Variants in GOLM2 observed in about 807,000 individuals in gnomAD.
The protein encoded by GOLM2 is golgi membrane protein 2.
Under a neutral mutation model 55.9 loss-of-function variants are expected in GOLM2, and 26 were observed. That is an observed-to-expected ratio of 0.47 (90% confidence interval 0.34 to 0.65). The LOEUF (loss-of-function observed/expected upper bound fraction) is 0.65. GOLM2 is among the 30% of genes least tolerant of loss of function. The probability of loss-of-function intolerance (pLI) is 0.01; values close to 1 mark genes in which losing one functional copy is unlikely to be tolerated. For missense variants in GOLM2, 486 were observed against 531.8 expected (o/e 0.91, Z 0.85); for synonymous variants, 165 against 194.6 (o/e 0.85, Z 1.27).
chr15:44,315,183 T>C (rs2078901058), intron 1 of GOLM2, among the ~76,000 whole-genome samples: 1 of 152,204 alleles, frequency 6.6e-6, no homozygotes, highest in South Asian at 2.1e-4. Flanking sequence ...GTTTGGCAGT[T>C]ATGTTACAGA....
chr15:44,318,017 T>C (rs2078922914), intron 1 of GOLM2, among the ~76,000 whole-genome samples: 1 of 152,244 alleles, frequency 6.6e-6, no homozygotes, highest in Non-Finnish European at 1.5e-5. Context: ...AGACCTTTTC[T>C]GTAAAAGTCC....
At chr15:44,363,744 G>T (rs552743188) in intron 6 of GOLM2, among the ~76,000 whole-genome samples, 1 of 151,120 alleles carries the variant, frequency 6.6e-6, no homozygotes, top group Non-Finnish European at 1.5e-5. Flanking sequence ...ACATGCACAC[G>T]TATGTTTATT....
chr15:44,408,029 G>A (rs1316881224), intron 9 of GOLM2, among the ~76,000 whole-genome samples: 1 of 152,110 alleles, frequency 6.6e-6, no homozygotes, highest in South Asian at 2.1e-4. Context: ...GGATTACGGC[G>A]TGAGCAACCA....
intron 6 of GOLM2, among the ~76,000 whole-genome samples, chr15:44,372,200 A>C (rs1456956397): frequency 6.6e-6 from 1 of 152,156 alleles, no homozygotes; most frequent in Admixed American, 6.6e-5. Context: ...GCTTTCAGTA[A>C]ATATAGAAAC....
chr15:44,330,365 T>A (rs1270146501), intron 3 of GOLM2, among the ~76,000 whole-genome samples: 1 of 149,864 alleles, frequency 6.7e-6, no homozygotes. Flanking sequence ...ATAGAAAAAA[T>A]TAGCTGGGCC....
At chr15:44,307,234 A>G (rs943708509) in intron 1 of GOLM2, 1 of 146,344 alleles carries the variant, frequency 6.8e-6, no homozygotes, top group Admixed American at 7.0e-5. Context: ...TTTTTTTGAG[A>G]CAGAGTCTGG....
At chr15:44,359,481 G>T (rs2079221556) in intron 6 of GOLM2, among the ~76,000 whole-genome samples, 1 of 152,026 alleles carries the variant, frequency 6.6e-6, no homozygotes, top group Admixed American at 6.6e-5. Context: ...TCAGCTACTT[G>T]GGAGGCTGAG....
intron 8 of GOLM2, among the ~76,000 whole-genome samples, chr15:44,389,438 G>A (rs2079472716): frequency 6.6e-6 from 1 of 152,042 alleles, no homozygotes; most frequent in South Asian, 2.1e-4. Context: ...CTGAGTGGGA[G>A]GATTGCTTCA....
At chr15:44,397,134 T>A (rs2079531655) in intron 8 of GOLM2, among the ~76,000 whole-genome samples, 1 of 152,058 alleles carries the variant, frequency 6.6e-6, no homozygotes, top group African/African-American at 2.4e-5. Flanking sequence ...TATTAAAGGT[T>A]GTAAAAAGTT....
At chr15:44,292,612 C>G (rs2078729154) in intron 1 of GOLM2, among the ~76,000 whole-genome samples, 1 of 152,096 alleles carries the variant, frequency 6.6e-6, no homozygotes. Context: ...CTTGGGCTCA[C>G]AAAGTGCTGG....
At chr15:44,317,191 A>T (rs557268628) in intron 1 of GOLM2, among the ~76,000 whole-genome samples, 1 of 151,842 alleles carries the variant, frequency 6.6e-6, no homozygotes, top group Non-Finnish European at 1.5e-5. Context: ...GATTTAAAAA[A>T]GTGAGACCCC....
chr15:44,341,748 G>A (rs2079092213), intron 6 of GOLM2, among the ~76,000 whole-genome samples: 1 of 146,002 alleles, frequency 6.8e-6, no homozygotes. Flanking sequence ...CCAGCCTGGA[G>A]TGCAGTCGTG....
At chr15:44,315,664 C>A (rs1397556072) in intron 1 of GOLM2, among the ~76,000 whole-genome samples, 1 of 152,086 alleles carries the variant, frequency 6.6e-6, no homozygotes, top group Non-Finnish European at 1.5e-5. Context: ...AAACAAAGAA[C>A]ATAAAACTCA....
chr15:44,354,298 G>A (rs1388116997), intron 6 of GOLM2, among the ~76,000 whole-genome samples: 1 of 138,476 alleles, frequency 7.2e-6, no homozygotes. Flanking sequence ...AGGGCCTGTT[G>A]TGTAGTGGGG....
chr15:44,355,876 G>A (rs997505971), intron 6 of GOLM2, among the ~76,000 whole-genome samples: 7 of 152,042 alleles, frequency 4.6e-5, no homozygotes, highest in African/African-American at 9.7e-5. Flanking sequence ...GTCATGTACC[G>A]TCAATAAAGT....
intron 9 of GOLM2, among the ~76,000 whole-genome samples, chr15:44,410,483 G>C (rs1192840629): frequency 6.6e-6 from 1 of 152,082 alleles, no homozygotes; most frequent in Non-Finnish European, 1.5e-5. Flanking sequence ...TAATTGATTA[G>C]CATGTATATA....
intron 1 of GOLM2, among the ~76,000 whole-genome samples, chr15:44,321,135 T>G (rs2078945376): frequency 6.6e-6 from 1 of 152,048 alleles, no homozygotes; most frequent in Admixed American, 6.6e-5. Context: ...ATTGAGTGGC[T>G]GGACATGGGA....
intron 9 of GOLM2, among the ~76,000 whole-genome samples, chr15:44,410,481 T>C (rs1248429085): frequency 2.0e-5 from 3 of 152,074 alleles, no homozygotes; most frequent in Non-Finnish European, 2.9e-5. Context: ...GATAATTGAT[T>C]AGCATGTATA....
At chr15:44,315,967 T>C (rs980585028) in intron 1 of GOLM2, among the ~76,000 whole-genome samples, 5 of 152,076 alleles carry the variant, frequency 3.3e-5, no homozygotes, top group Admixed American at 3.3e-4. Context: ...GACATAAAAG[T>C]CTAGGGGATC....
Sources: allele counts gnomAD v4.1 joint callset (sites outside exome capture counted in the v4.1 genomes callset), GRCh38; gene constraint gnomAD v4.1.1; transcripts MANE v1.5; gene names NCBI Gene and HGNC (gene_info 2026-07-23, HGNC 2026-07-21).